The following HECW2 variants were observed in gnomAD, a reference collection of about 807,000 sequenced individuals.
The protein encoded by HECW2 is HECT, C2 and WW domain containing E3 ubiquitin protein ligase 2.
In HECW2, 61 loss-of-function variants were observed where a neutral mutation model predicts 175.2. The ratio of observed to expected loss-of-function variants is 0.35; its 90% CI spans 0.28 to 0.43. The LOEUF is 0.43. HECW2 is among the 20% of genes least tolerant of loss of function. The probability of loss-of-function intolerance (pLI) is 1.00; values close to 1 mark genes in which losing one functional copy is unlikely to be tolerated. For synonymous variants in HECW2, 671 were observed against 731.0 expected, an observed-to-expected ratio of 0.92 and a Z score of 1.32; for missense variants, 1,524 against 2,000.5, an observed-to-expected ratio of 0.76 and a Z score of 4.54.
At chr2:196,436,725 T>C (rs1695887030) in intron 1 of HECW2, among the ~76,000 whole-genome samples, 1 of 150,486 alleles carries the variant, frequency 6.6e-6, no homozygotes, top group African/African-American at 2.4e-5. Context: ...CTGCAGTGTA[T>C]GCTAAATAGT....
intron 17 of HECW2, among the ~76,000 whole-genome samples, chr2:196,270,987 C>CG (rs766834054): frequency 1.7e-3 from 266 of 152,276 alleles, no homozygotes; most frequent in Middle Eastern, 3.4e-3. Flanking sequence ...AGTCGCCGTG[C>CG]CCGGCCGATT....
chr2:196,416,680 T>A (rs1289404869), intron 2 of HECW2, among the ~76,000 whole-genome samples: 3 of 152,230 alleles, frequency 2.0e-5, no homozygotes, highest in African/African-American at 7.2e-5. Flanking sequence ...ACCCTGCATG[T>A]GTGACCCAAG....
chr2:196,530,437 T>C (rs1188350307), intron 1 of HECW2, among the ~76,000 whole-genome samples: 1 of 152,188 alleles, frequency 6.6e-6, no homozygotes, highest in African/African-American at 2.4e-5. Context: ...ACCACCACCA[T>C]ATCCTTTCTC....
chr2:196,329,470 ACATATCAT>A (rs377125509), intron 5 of HECW2, 97 bp downstream of exon 5: 26 of 826,598 alleles, frequency 3.1e-5, no homozygotes, highest in African/African-American at 1.7e-4. Flanking sequence ...AAACTAGTTC[ACATATCAT>A]CATATCATAT....
intron 1 of HECW2, among the ~76,000 whole-genome samples, chr2:196,563,392 C>T (rs1439002948): frequency 6.6e-6 from 1 of 151,628 alleles, no homozygotes; most frequent in Non-Finnish European, 1.5e-5. Context: ...ATGGCAAAAC[C>T]CCGCCTCTAC....
Position 196,564,326 on chromosome 2 carries a change from T to TA in HECW2, c.-36+29181dup, listed in dbSNP as rs575436069. Among the ~76,000 whole-genome samples the TA allele has an allele frequency of 9.9e-5, 15 of 152,244 alleles. No individual in the cohort carries two copies. In the South Asian group the frequency reaches 2.9e-3, roughly 29 times the overall value. Reference sequence around the variant, plus strand: ...GAAATTTTATTGCATCCTGGATCCTTAAAAAATGGGATAATTCAACATAAA... The same window carrying TA: ...GAAATTTTATTGCATCCTGGATCCTTAAAAAAATGGGATAATTCAACATAAA... On this transcript the variant is annotated intron_variant, in intron 1 of 28. Coordinates refer to ENST00000644978, the MANE Select transcript of HECW2 (RefSeq NM_001348768.2).
At position 196,549,603 on chromosome 2, in the gene HECW2, T is replaced by C. The variant is rs1689543554; in HGVS notation, c.-36+43905A>G. On this transcript the variant is annotated intron_variant, in intron 1 of 28. Coordinates refer to ENST00000644978, the MANE Select transcript of HECW2 (RefSeq NM_001348768.2). ...ATTTGCCAGTCTTGCTCTTTTTTTT[T>C]TTTTTAACATCCCCACATCCTTCAA... Among the ~76,000 whole-genome samples, 4 of 152,216 alleles carry C rather than the reference T, an allele frequency of 2.6e-5. No individual in the cohort carries two copies. In the South Asian group the frequency reaches 8.3e-4, roughly 32 times the overall value.
chr2:196,379,201 C>G (rs759354345), intron 2 of HECW2, among the ~76,000 whole-genome samples: 1 of 152,098 alleles, frequency 6.6e-6, no homozygotes, highest in Non-Finnish European at 1.5e-5. Flanking sequence ...AACTAATGCA[C>G]TCTAAATAAG....
chr2:196,199,532 A>G lies in HECW2; in HGVS notation c.*1745T>C, dbSNP rs1408788792. ...CAGTTCTTACAAAACACCTATGAAA[A>G]CTATGCATATGACCTCTATAAAATG... On this transcript the variant is annotated 3_prime_UTR_variant, in exon 29 of 29. Transcript: ENST00000644978. 6.6e-6 allele frequency: 1 copy of G among 152,572 alleles called. No homozygotes were observed. The highest frequency in any genetic ancestry group is 1.5e-5 in the Non-Finnish European group (1 of 68,016). 9.5% of individuals were successfully genotyped at this position (152,572 alleles called of 1,614,324 possible). A position where few individuals can be genotyped will look rare whatever the true frequency, so the allele number is the denominator to read the frequency against.
intron 1 of HECW2, among the ~76,000 whole-genome samples, chr2:196,490,288 C>T (rs1205611998): frequency 6.6e-6 from 1 of 152,200 alleles, no homozygotes; most frequent in Middle Eastern, 3.2e-3. Context: ...AAGGTTGTCC[C>T]TCTTTCCCTC....
chr2:196,501,388 G>A (rs1480228493), intron 1 of HECW2, among the ~76,000 whole-genome samples: 2 of 152,156 alleles, frequency 1.3e-5, no homozygotes, highest in Non-Finnish European at 2.9e-5. Flanking sequence ...GCTGATTTTT[G>A]TATTTTTAGT....
intron 1 of HECW2, among the ~76,000 whole-genome samples, chr2:196,578,217 T>C (rs1461537811): frequency 3.3e-5 from 5 of 152,100 alleles, no homozygotes; most frequent in African/African-American, 4.8e-5. Flanking sequence ...AATACAGTAA[T>C]TGAAATGAAT....
At chr2:196,317,999 A>T (rs1470899856) in intron 9 of HECW2, among the ~76,000 whole-genome samples, 1 of 152,166 alleles carries the variant, frequency 6.6e-6, no homozygotes, top group Non-Finnish European at 1.5e-5. Flanking sequence ...CAAAAACACT[A>T]CCTTTGATGC....
At chr2:196,504,061 C>T (rs374683925) in intron 1 of HECW2, among the ~76,000 whole-genome samples, 32 of 152,002 alleles carry the variant, frequency 2.1e-4, no homozygotes, top group East Asian at 1.2e-3. Context: ...TTTGGGAGGC[C>T]GAGGCGGGCA....
At chr2:196,232,108 A>G (rs903630187) in intron 21 of HECW2, among the ~76,000 whole-genome samples, 6 of 152,210 alleles carry the variant, frequency 3.9e-5, no homozygotes, top group African/African-American at 1.4e-4. Flanking sequence ...ATTCTCTGTG[A>G]GGCTTTCAGA....
At chr2:196,283,130 C>T (rs991309913) in intron 14 of HECW2, among the ~76,000 whole-genome samples, 40 of 151,290 alleles carry the variant, frequency 2.6e-4, no homozygotes, top group Non-Finnish European at 3.2e-4. Context: ...GGCGTGGTGG[C>T]AGGCACCTGT....
chr2:196,475,829 C>T lies in HECW2; in HGVS notation c.-35-42371G>A, dbSNP rs373072580. Among the ~76,000 whole-genome samples the T allele has an allele frequency of 1.2e-4, 19 of 152,350 alleles. 1 individual carries two copies. In the South Asian group the frequency reaches 2.9e-3, roughly 23 times the overall value. ...CTGGCCTGGGCCATTTGCCCACTTC[C>T]GGCATCAGAAGGAAGGACAGTTTCA... is the stretch of plus-strand genomic sequence containing the variant. On this transcript the variant is annotated intron_variant, in intron 1 of 28. Coordinates refer to ENST00000644978, the MANE Select transcript of HECW2 (RefSeq NM_001348768.2).
At chr2:196,349,050 C>T (rs904557407) in intron 2 of HECW2, among the ~76,000 whole-genome samples, 2 of 152,188 alleles carry the variant, frequency 1.3e-5, no homozygotes, top group Non-Finnish European at 2.9e-5. Flanking sequence ...GTTCTACTCC[C>T]CCTTACAGTG....
At chr2:196,301,300 C>T (rs1691041593) in intron 13 of HECW2, among the ~76,000 whole-genome samples, 1 of 151,946 alleles carries the variant, frequency 6.6e-6, no homozygotes, top group African/African-American at 2.4e-5. Flanking sequence ...GGGTTGATTC[C>T]ATGTCTTTGA....
Sources: allele counts gnomAD v4.1 joint callset (sites outside exome capture counted in the v4.1 genomes callset), GRCh38; gene constraint gnomAD v4.1.1; transcripts MANE v1.5; gene names NCBI Gene and HGNC (gene_info 2026-07-23, HGNC 2026-07-21).